Variants in ARSB observed in about 807,000 individuals in gnomAD.
ARSB encodes arylsulfatase B.
In ARSB, 41 loss-of-function variants were observed where a neutral mutation model predicts 50.9. The observed-to-expected ratio is 0.81, with a 90% CI of 0.63 to 1.04. The LOEUF (loss-of-function observed/expected upper bound fraction) is 1.04, where lower values mean the gene tolerates loss of function less well. ARSB is among the 50% of genes least tolerant of loss of function. ARSB has a pLI of 0.00. For synonymous variants in ARSB, 269 were observed against 284.8 expected (o/e 0.94, Z 0.56); for missense variants, 672 against 693.3 (o/e 0.97, Z 0.35).
rs150922939 is a variant in ARSB, at chr5:78,795,780, T to C, written c.1214-13806A>G. 2.3e-3 allele frequency among the ~76,000 whole-genome samples: 358 copies of C among 152,354 alleles called. 4 individuals are homozygous for C. Among genetic ancestry groups the C allele is most frequent in the African/African-American group, 8.0e-3 (331 of 41,594 alleles). On this transcript the variant is annotated intron_variant, in intron 6 of 7. Coordinates refer to ENST00000264914, the MANE Select transcript of ARSB (RefSeq NM_000046.5). ...TTAAAATGCTCATAATTTTTATATA[T>C]GCACTCCACATGACGTATTTCAAAT...
chr5:78,971,682 C>G (rs550494219), intron 1 of ARSB, among the ~76,000 whole-genome samples: 1 of 152,158 alleles, frequency 6.6e-6, no homozygotes, highest in African/African-American at 2.4e-5. Context: ...AGGAATTGCA[C>G]CTGCTATTGC....
intron 3 of ARSB, among the ~76,000 whole-genome samples, chr5:78,960,107 T>G (rs1430295799): frequency 6.6e-6 from 1 of 152,232 alleles, no homozygotes; most frequent in African/African-American, 2.4e-5. Context: ...CCCTTTCCAG[T>G]GTCTTGGGAA....
intron 6 of ARSB, chr5:78,815,814 A>C: frequency 7.6e-7 from 1 of 1,307,532 alleles, no homozygotes; most frequent in East Asian, 3.3e-5. Flanking sequence ...TATGAAGGAC[A>C]CAAATGAATT....
At chr5:78,866,477 AG>A (rs1746747076) in intron 5 of ARSB, among the ~76,000 whole-genome samples, 1 of 152,198 alleles carries the variant, frequency 6.6e-6, no homozygotes. Context: ...TCAAGGGGAA[AG>A]GACTCAAATA....
At chr5:78,941,124 A>G (rs995266128) in intron 4 of ARSB, among the ~76,000 whole-genome samples, 4 of 149,770 alleles carry the variant, frequency 2.7e-5, no homozygotes, top group African/African-American at 9.8e-5. Flanking sequence ...TGATTTTTGT[A>G]TATTGATTTT....
At chr5:78,894,095 T>C (rs961309869) in intron 4 of ARSB, among the ~76,000 whole-genome samples, 18 of 152,140 alleles carry the variant, frequency 1.2e-4, no homozygotes, top group African/African-American at 4.3e-4. Flanking sequence ...ACTAGAGAAG[T>C]AATGAATGAG....
At chr5:78,875,396 T>G (rs1747436088) in intron 5 of ARSB, among the ~76,000 whole-genome samples, 1 of 151,948 alleles carries the variant, frequency 6.6e-6, no homozygotes, top group African/African-American at 2.4e-5. Context: ...CATAAATACA[T>G]TCAACATATT....
chr5:78,809,744 C>T (rs1401383170), intron 6 of ARSB, among the ~76,000 whole-genome samples: 3 of 152,286 alleles, frequency 2.0e-5, no homozygotes, highest in African/African-American at 2.4e-5. Context: ...AAATCACGTC[C>T]TGGCAACCTG....
At chr5:78,792,840 A>G (rs780569051) in intron 6 of ARSB, among the ~76,000 whole-genome samples, 2 of 152,194 alleles carry the variant, frequency 1.3e-5, no homozygotes, top group African/African-American at 2.4e-5. Flanking sequence ...AGGTGTGACC[A>G]ACTGCTCAAC....
At chr5:78,888,463 C>T (rs568924890) in intron 4 of ARSB, among the ~76,000 whole-genome samples, 12 of 152,324 alleles carry the variant, frequency 7.9e-5, no homozygotes, top group African/African-American at 2.9e-4. Flanking sequence ...AAGGCTGAGA[C>T]AGAACGATTA....
chr5:78,971,836 A>G (rs1161503382), intron 1 of ARSB, among the ~76,000 whole-genome samples: 1 of 152,198 alleles, frequency 6.6e-6, no homozygotes, highest in Non-Finnish European at 1.5e-5. Flanking sequence ...TATACCTATC[A>G]AAGTTTATCG....
intron 5 of ARSB, 43 bp from the exon 6 acceptor site, chr5:78,839,469 A>C: frequency 6.6e-7 from 1 of 1,507,586 alleles, no homozygotes; most frequent in Non-Finnish European, 9.2e-7. Context: ...CCTCTCTCTA[A>C]TGGGCATGAA....
intron 5 of ARSB, among the ~76,000 whole-genome samples, chr5:78,861,092 C>T (rs1365430666): frequency 3.3e-5 from 5 of 152,180 alleles, no homozygotes; most frequent in Admixed American, 6.5e-5. Flanking sequence ...AGACCAATAA[C>T]AGGCTCTGAA....
At chr5:78,935,723 C>T (rs1184852349) in intron 4 of ARSB, among the ~76,000 whole-genome samples, 1 of 152,164 alleles carries the variant, frequency 6.6e-6, no homozygotes, top group Non-Finnish European at 1.5e-5. Context: ...TCAGGAAGTG[C>T]TGCAATCTCA....
chr5:78,958,001 T>C (rs1343354500), intron 3 of ARSB, among the ~76,000 whole-genome samples: 1 of 150,110 alleles, frequency 6.7e-6, no homozygotes, highest in Non-Finnish European at 1.5e-5. Flanking sequence ...GATCTGTTTT[T>C]ATATAAAAAA....
At chr5:78,820,458 G>A (rs940677131) in intron 6 of ARSB, among the ~76,000 whole-genome samples, 2 of 152,216 alleles carry the variant, frequency 1.3e-5, no homozygotes, top group South Asian at 4.2e-4. Context: ...CTACTCGGGA[G>A]GCTGAGGCAG....
intron 4 of ARSB, among the ~76,000 whole-genome samples, chr5:78,886,160 G>A (rs145896110): frequency 2.5e-3 from 375 of 152,280 alleles, no homozygotes; most frequent in African/African-American, 8.6e-3. Context: ...ACTTTGTATA[G>A]CATGGGAGAA....
At chr5:78,971,537 G>A (rs1752454373) in intron 1 of ARSB, among the ~76,000 whole-genome samples, 1 of 152,164 alleles carries the variant, frequency 6.6e-6, no homozygotes, top group Non-Finnish European at 1.5e-5. Flanking sequence ...TATTTTATTT[G>A]CCTTATAATT....
At chr5:78,948,683 C>G (rs1428279156) in intron 4 of ARSB, among the ~76,000 whole-genome samples, 2 of 152,046 alleles carry the variant, frequency 1.3e-5, no homozygotes, top group African/African-American at 4.8e-5. Flanking sequence ...TGAAAACTAC[C>G]TAGGAGCGCC....
Sources: allele counts gnomAD v4.1 joint callset (sites outside exome capture counted in the v4.1 genomes callset), GRCh38; gene constraint gnomAD v4.1.1; transcripts MANE v1.5; gene names NCBI Gene and HGNC (gene_info 2026-07-23, HGNC 2026-07-21).